Variants in TSNARE1 observed in about 807,000 individuals in gnomAD.
TSNARE1 encodes the protein t-SNARE domain-containing protein 1.
In TSNARE1, 49 loss-of-function variants were observed where a neutral mutation model predicts 62.0. The ratio of observed to expected loss-of-function variants is 0.79; its 90% CI spans 0.63 to 1.00. The LOEUF is 1.00. Among genes scored for constraint, TSNARE1 ranks in the 50% least tolerant of loss-of-function variants. TSNARE1 has a pLI of 0.00. For synonymous variants in TSNARE1, 328 were observed against 294.4 expected (o/e 1.11, Z -1.17); for missense variants, 755 against 700.1 (o/e 1.08, Z -0.88).
chr8:142,351,704 G>T (rs1834111414), intron 2 of TSNARE1, among the ~76,000 whole-genome samples: 1 of 152,128 alleles, frequency 6.6e-6, no homozygotes, highest in Non-Finnish European at 1.5e-5. Context: ...AAAGTATTGA[G>T]AATTATAGCA....
rs895982749 is a variant in TSNARE1 at position 142,319,097 on chromosome 8, C to T, written c.894-463G>A. Among the ~76,000 whole-genome samples, 3 of 151,936 alleles carry T rather than the reference C, an allele frequency of 2.0e-5. No homozygotes were observed. The highest frequency in any genetic ancestry group is 4.8e-5 in the African/African-American group (2 of 41,340). On this transcript the variant is annotated intron_variant, in intron 6 of 13. Transcript: ENST00000524325. The surrounding 1 kb of genome is among the most constrained non-coding windows in gnomAD (Gnocchi z 4.9). Reference sequence around the variant, plus strand: ...TAAGCTCTGGCTGGGGTGGGTGGCCCAGCCAGAACAGTGGCAGCCGGGCCC... The same window carrying T: ...TAAGCTCTGGCTGGGGTGGGTGGCCTAGCCAGAACAGTGGCAGCCGGGCCC...
intron 6 of TSNARE1, among the ~76,000 whole-genome samples, chr8:142,323,532 G>A (rs894823039): frequency 4.6e-5 from 7 of 152,206 alleles, no homozygotes; most frequent in South Asian, 2.1e-4. Flanking sequence ...GAGGGGCAAC[G>A]GGGCAGCAAG....
At chr8:142,277,814 G>C (rs1317373702) in intron 11 of TSNARE1, 2 of 985,196 alleles carry the variant, frequency 2.0e-6, no homozygotes, top group Non-Finnish European at 1.2e-6. Context: ...CACAGGGTGA[G>C]CAAACCTGAG....
chr8:142,214,777 C>T (rs1183920615), intron 13 of TSNARE1, among the ~76,000 whole-genome samples: 2 of 152,174 alleles, frequency 1.3e-5, no homozygotes, highest in East Asian at 1.9e-4. Flanking sequence ...CAAGAGCTCC[C>T]GCCCTCCCTC....
intron 4 of TSNARE1, among the ~76,000 whole-genome samples, chr8:142,342,463 T>C (rs1832716176): frequency 6.6e-6 from 1 of 152,262 alleles, no homozygotes; most frequent in East Asian, 1.9e-4. Context: ...GAGGGGAACC[T>C]TGGCCCACTG....
At chr8:142,358,493 C>G (rs537135140) in intron 1 of TSNARE1, among the ~76,000 whole-genome samples, 230 of 152,010 alleles carry the variant, frequency 1.5e-3, no homozygotes, top group African/African-American at 5.3e-3. Context: ...TCCGGCCAGG[C>G]ACATGGAGGG....
chr8:142,303,361 C>T (rs1826090021), intron 9 of TSNARE1, among the ~76,000 whole-genome samples: 1 of 152,284 alleles, frequency 6.6e-6, no homozygotes, highest in South Asian at 2.1e-4. Context: ...CCAAAAACCG[C>T]CCAGCCTGGG....
Position 142,345,745 on chromosome 8 carries a change from C to T in TSNARE1, c.236G>A (p.Arg79Gln), listed in dbSNP as rs774221161. The T allele has an allele frequency of 5.0e-6, 8 of 1,601,694 alleles. No homozygotes were observed. The East Asian group carries it at 9.1e-5, about 18-fold the overall frequency. ...GACCCAGCGTCTGAGTGAAGTACCT[C>T]GCTTCCTGGCCCTTGGGACAATAGG... ...GTPIVPRARKRGPGVAPEGSR... is the reference protein window; with the variant it reads ...GTPIVPRARKQGPGVAPEGSR... The change falls in exon 3 of 14, where the codon CGA becomes CAA. Residue 79 changes from arginine (R) to glutamine (Q), a missense_variant and splice_region_variant. By Grantham distance (43) the Arg-to-Gln change is conservative. Transcript: ENST00000524325.
chr8:142,324,681 C>T (rs937617740), intron 6 of TSNARE1, among the ~76,000 whole-genome samples: 10 of 152,192 alleles, frequency 6.6e-5, no homozygotes, highest in African/African-American at 2.4e-4. Context: ...AAAGCACCTG[C>T]AGGCTGGAGC....
At chr8:142,338,232 G>T (rs1268669027) in intron 4 of TSNARE1, among the ~76,000 whole-genome samples, 5 of 152,200 alleles carry the variant, frequency 3.3e-5, no homozygotes, top group African/African-American at 1.2e-4. Flanking sequence ...GTCCCCCCAC[G>T]TCTCACTGCA....
intron 4 of TSNARE1, among the ~76,000 whole-genome samples, chr8:142,337,777 C>T (rs1443037197): frequency 2.0e-5 from 3 of 152,248 alleles, no homozygotes; most frequent in Admixed American, 6.5e-5. Context: ...CTCATCACTA[C>T]ATGCAGGACG....
chr8:142,302,464 C>A (rs575949004), intron 9 of TSNARE1, among the ~76,000 whole-genome samples: 2 of 152,258 alleles, frequency 1.3e-5, no homozygotes, highest in East Asian at 3.9e-4. Context: ...GGGCCTGGAT[C>A]AGAGCCCCTG....
chr8:142,309,029 A>C (rs1827158486), intron 9 of TSNARE1, among the ~76,000 whole-genome samples: 1 of 152,162 alleles, frequency 6.6e-6, no homozygotes, highest in African/African-American at 2.4e-5. Flanking sequence ...TCTTCATAGA[A>C]TTTTTTGAAG....
intron 1 of TSNARE1, among the ~76,000 whole-genome samples, chr8:142,373,987 G>A (rs185327133): frequency 2.3e-4 from 35 of 152,270 alleles, no homozygotes; most frequent in Middle Eastern, 3.4e-3. Context: ...TCCAGGAGGC[G>A]TCAGTGAGGA....
At chr8:142,232,678 T>A (rs895185019) in intron 12 of TSNARE1, among the ~76,000 whole-genome samples, 1 of 152,150 alleles carries the variant, frequency 6.6e-6, no homozygotes, top group Non-Finnish European at 1.5e-5. Flanking sequence ...CACAGCCTCC[T>A]CTCTACCCAT....
At chr8:142,320,114 G>A (rs892526550) in intron 6 of TSNARE1, among the ~76,000 whole-genome samples, 10 of 152,174 alleles carry the variant, frequency 6.6e-5, no homozygotes, top group African/African-American at 1.9e-4. Flanking sequence ...CTCTCCCTGG[G>A]CTGCCACTCG....
intron 9 of TSNARE1, among the ~76,000 whole-genome samples, chr8:142,306,182 A>G (rs1448200285): frequency 6.6e-6 from 1 of 152,202 alleles, no homozygotes; most frequent in Non-Finnish European, 1.5e-5. Context: ...CAGGACGGAC[A>G]CGGCTGTGGC....
chr8:142,363,157 T>G (rs1835286666), intron 1 of TSNARE1, among the ~76,000 whole-genome samples: 1 of 152,134 alleles, frequency 6.6e-6, no homozygotes, highest in African/African-American at 2.4e-5. Context: ...GCCTGTGCAC[T>G]GGTATCTACT....
At chr8:142,325,208 C>T (rs1830025816) in intron 6 of TSNARE1, among the ~76,000 whole-genome samples, 1 of 152,132 alleles carries the variant, frequency 6.6e-6, no homozygotes, top group Non-Finnish European at 1.5e-5. Flanking sequence ...AGCCTGAGGC[C>T]GTGGGACTGG....
Sources: gnomAD v4.1 joint callset for allele counts (sites outside exome capture counted in the v4.1 genomes callset) on GRCh38, gnomAD v4.1.1 for gene constraint, Gnocchi (gnomAD v3.1) non-coding constraint, MANE v1.5 for transcripts, NCBI Gene and HGNC (gene_info 2026-07-23, HGNC 2026-07-21) for gene names.